Variants in EPHA4 observed in about 807,000 individuals in gnomAD.
EPHA4 encodes ephrin type-A receptor 4.
EPHA4 carries 19 observed loss-of-function variants against 108.3 expected under a neutral mutation model. The observed-to-expected ratio is 0.18, with a 90% CI of 0.12 to 0.26. The LOEUF (loss-of-function observed/expected upper bound fraction) is 0.26, where lower values mean the gene tolerates loss of function less well. Among genes scored for constraint, EPHA4 ranks in the 10% least tolerant of loss-of-function variants. EPHA4 has a pLI of 1.00. For synonymous variants in EPHA4, 449 were observed against 455.5 expected (o/e 0.99, Z 0.18); for missense variants, 917 against 1,254.0 (o/e 0.73, Z 4.06).
intron 3 of EPHA4, among the ~76,000 whole-genome samples, chr2:221,563,383 CTA>C (rs919037265): frequency 4.6e-5 from 7 of 152,184 alleles, no homozygotes; most frequent in Admixed American, 2.0e-4. Flanking sequence ...GACAGGAAAA[CTA>C]TGGCTCAAAA....
chr2:221,563,919 G>T lies in EPHA4; in HGVS notation c.635C>A (p.Ala212Asp). 6.2e-7 allele frequency: 1 copy of T among 1,614,224 alleles called. No homozygotes were observed. The change falls in exon 3 of 18, where the codon GCC (alanine) becomes GAC (aspartate). Residue 212 changes from alanine (A) to aspartate (D), a missense_variant. Ala to Asp is a moderately radical substitution (Grantham distance 126). Around this residue, in one of 3 missense-constraint regions of EPHA4, gnomAD observed 758 missense variants for 1,076.7 expected, o/e 0.70. Coordinates refer to ENST00000281821, the MANE Select transcript of EPHA4 (RefSeq NM_004438.5). ...CCCTGTGATGGTGTCAGGAAACTGG[G>T]CCAGATTGCGGACTGTGAGTGGACA... ...KKCPLTVRNLAQFPDTITGAD... is the reference protein window; with the variant it reads ...KKCPLTVRNLDQFPDTITGAD...
chr2:221,448,339 C>A (rs1338389966), intron 8 of EPHA4, among the ~76,000 whole-genome samples: 2 of 152,094 alleles, frequency 1.3e-5, no homozygotes, highest in Non-Finnish European at 2.9e-5. Context: ...TTCATAGAGC[C>A]TCTCTTACTG....
In EPHA4 at chr2:221,442,921, T is replaced by C; in HGVS notation, c.1982A>G (p.Asp661Gly). Reference sequence around the variant, plus strand: ...ACTCAGGAAGTCTCTCCTCTGTTTGTCTGTATAACCAGCTTTCAGAGTCTT... The same window carrying C: ...ACTCAGGAAGTCTCTCCTCTGTTTGCCTGTATAACCAGCTTTCAGAGTCTT... Reference protein sequence around the residue: ...AIKTLKAGYTDKQRRDFLSEA... With the variant: ...AIKTLKAGYTGKQRRDFLSEA... The change falls in exon 11 of 18, where the codon GAC (aspartate) becomes GGC (glycine). Residue 661 changes from aspartate (D) to glycine (G), a missense_variant. Physicochemically the swap from Asp to Gly is moderately conservative, Grantham distance 94 (BLOSUM62 -1). Coordinates refer to ENST00000281821, the MANE Select transcript of EPHA4 (RefSeq NM_004438.5). 1.2e-6 allele frequency: 2 copies of C among 1,614,184 alleles called. No homozygotes were observed. Among genetic ancestry groups the C allele is most frequent in the Non-Finnish European group, 1.7e-6 (2 of 1,180,028 alleles).
rs112427431 is a variant in EPHA4, at chr2:221,540,121, T to C, written c.823+23610A>G. ...TTTTACTAGAGATGGAATTTCACCA[T>C]GTTGGCCAGGCTGGTCTCGAAATCC... On this transcript the variant is annotated intron_variant, in intron 3 of 17. Coordinates refer to ENST00000281821, the MANE Select transcript of EPHA4 (RefSeq NM_004438.5). Among the ~76,000 whole-genome samples the C allele has an allele frequency of 5.2e-3, 789 of 152,276 alleles. 12 individuals are homozygous for C. Among genetic ancestry groups the C allele is most frequent in the African/African-American group, 0.018 (756 of 41,556 alleles).
At chr2:221,449,885 G>C (rs921387848) in intron 8 of EPHA4, among the ~76,000 whole-genome samples, 6 of 152,194 alleles carry the variant, frequency 3.9e-5, no homozygotes, top group Admixed American at 6.5e-5. Flanking sequence ...TAACTAGCAT[G>C]GCTCCAGGAG....
At position 221,426,149 on chromosome 2, in the gene EPHA4, A is replaced by C. The variant is rs933852377; in HGVS notation, c.2847-7T>G. ...ACCAATTCTTGCCAGGTCCCTGTAC[A>C]TAGGGCGACAAAAAAGGGACAGAAG... is the stretch of plus-strand genomic sequence containing the variant. On this transcript the variant is annotated splice_polypyrimidine_tract_variant and splice_region_variant and intron_variant, in intron 16 of 17. Coordinates refer to ENST00000281821, the MANE Select transcript of EPHA4 (RefSeq NM_004438.5). 6.2e-7 allele frequency: 1 copy of C among 1,612,024 alleles called. No individual in the cohort carries two copies. The highest frequency in any genetic ancestry group is 8.5e-7 in the Non-Finnish European group (1 of 1,178,096).
At chr2:221,470,347 G>A (rs1248026421) in intron 5 of EPHA4, among the ~76,000 whole-genome samples, 2 of 151,750 alleles carry the variant, frequency 1.3e-5, no homozygotes, top group Non-Finnish European at 2.9e-5. Flanking sequence ...GGGGGAGAGA[G>A]AGAGAGAGAG....
intron 4 of EPHA4, among the ~76,000 whole-genome samples, chr2:221,498,072 ACAG>A: frequency 6.6e-6 from 1 of 152,198 alleles, no homozygotes; most frequent in Non-Finnish European, 1.5e-5. Flanking sequence ...TTCCAGCAAC[ACAG>A]ACATATGGCC....
At chr2:221,499,032 C>T (rs986008730) in intron 4 of EPHA4, among the ~76,000 whole-genome samples, 4 of 151,206 alleles carry the variant, frequency 2.6e-5, no homozygotes, top group Non-Finnish European at 2.9e-5. Flanking sequence ...CTCAATAATC[C>T]GCCTGCCTCG....
chr2:221,566,890 G>GAGAAGGAGAA (rs1694662968), intron 2 of EPHA4, among the ~76,000 whole-genome samples: 1 of 35,484 alleles, frequency 2.8e-5, no homozygotes, highest in South Asian at 9.1e-4. Flanking sequence ...GAAGGAGAAG[G>GAGAAGGAGAA]AGAAGGAGAA....
chr2:221,550,146 A>G (rs1012746260), intron 3 of EPHA4, among the ~76,000 whole-genome samples: 1 of 152,206 alleles, frequency 6.6e-6, no homozygotes, highest in African/African-American at 2.4e-5. Flanking sequence ...TGGAAAATCT[A>G]CATATGTGAT....
At chr2:221,475,838 T>C (rs1176352175) in intron 5 of EPHA4, among the ~76,000 whole-genome samples, 1 of 152,240 alleles carries the variant, frequency 6.6e-6, no homozygotes. Context: ...GTTGTCCCAA[T>C]CTGGAGGATT....
At chr2:221,487,803 A>C (rs1692022633) in intron 4 of EPHA4, among the ~76,000 whole-genome samples, 1 of 152,206 alleles carries the variant, frequency 6.6e-6, no homozygotes, top group Non-Finnish European at 1.5e-5. Context: ...TGAAATTCAC[A>C]TATAAGCCCA....
chr2:221,467,890 ATAAG>A (rs1321147406), intron 5 of EPHA4, among the ~76,000 whole-genome samples: 7 of 152,206 alleles, frequency 4.6e-5, no homozygotes, highest in Admixed American at 2.6e-4. Context: ...GTTTCCTGTT[ATAAG>A]TAAGAATGCC....
chr2:221,526,041 A>T (rs1693313843), intron 3 of EPHA4, among the ~76,000 whole-genome samples: 1 of 152,260 alleles, frequency 6.6e-6, no homozygotes, highest in African/African-American at 2.4e-5. Context: ...ACTAATATTT[A>T]TTGAAGAATT....
At chr2:221,565,895 A>G (rs963776442) in intron 2 of EPHA4, among the ~76,000 whole-genome samples, 4 of 152,202 alleles carry the variant, frequency 2.6e-5, no homozygotes, top group Non-Finnish European at 5.9e-5. Context: ...TTTGTCAATG[A>G]AGGCACATAG....
At chr2:221,496,254 A>G (rs1045027098) in intron 4 of EPHA4, among the ~76,000 whole-genome samples, 1 of 152,168 alleles carries the variant, frequency 6.6e-6, no homozygotes, top group Non-Finnish European at 1.5e-5. Context: ...CTGTGGTGAT[A>G]GAAACGTTCT....
At chr2:221,500,823 T>C (rs920386328) in intron 4 of EPHA4, among the ~76,000 whole-genome samples, 194 bp downstream of exon 4, 2 of 152,184 alleles carry the variant, frequency 1.3e-5, no homozygotes, top group Non-Finnish European at 2.9e-5. Context: ...CTGTGCACAC[T>C]GAAGGCAACC....
At chr2:221,428,768 A>T (rs147772431) in intron 15 of EPHA4, among the ~76,000 whole-genome samples, 2 of 152,338 alleles carry the variant, frequency 1.3e-5, no homozygotes, top group African/African-American at 4.8e-5. Flanking sequence ...TGAAATGTTA[A>T]TTCAGCCCTT....
Sources: allele counts gnomAD v4.1 joint callset (sites outside exome capture counted in the v4.1 genomes callset), GRCh38; gene constraint gnomAD v4.1.1; regional missense constraint gnomAD v4.1.1; transcripts MANE v1.5; gene names NCBI Gene and HGNC (gene_info 2026-07-23, HGNC 2026-07-21).